Variants in WDFY4 observed in about 807,000 individuals in gnomAD.
WDFY4 encodes the protein WD repeat- and FYVE domain-containing protein 4.
A neutral mutation model predicts 351.9 loss-of-function variants in WDFY4; 169 were observed. That is an observed-to-expected ratio of 0.48 (90% confidence interval 0.42 to 0.55). The LOEUF (loss-of-function observed/expected upper bound fraction) is 0.55. Among genes scored for constraint, WDFY4 ranks in the 20% least tolerant of loss-of-function variants. The pLI is 0.00. For synonymous variants in WDFY4, 1,622 were observed against 1,574.6 expected (o/e 1.03, Z -0.71); for missense variants, 3,803 against 3,935.6 (o/e 0.97, Z 0.90).
rs1249006723 is a variant in WDFY4, at chr10:48,790,761, C to G, written c.4101C>G (p.Ser1367Arg). ...TATTCCACTCCAGCCCTGCTGCCAGCAGCCTGGACTTCATTGGCGGGCCTG... is the reference window on the plus strand; with the variant it reads ...TATTCCACTCCAGCCCTGCTGCCAGGAGCCTGGACTTCATTGGCGGGCCTG... ...VRVFHSSPAASSLDFIGGPAI... is the reference protein window; with the variant it reads ...VRVFHSSPAARSLDFIGGPAI... The change falls in exon 23 of 62, where the codon AGC becomes AGG. Residue 1367 changes from serine to arginine, a missense_variant. By Grantham distance (110) the Ser-to-Arg change is moderately radical (BLOSUM62 -1). Coordinates refer to ENST00000325239, the MANE Select transcript of WDFY4 (RefSeq NM_001394531.1). The G allele has an allele frequency of 5.8e-6, 9 of 1,551,800 alleles. No homozygotes were observed. Among genetic ancestry groups the G allele is most frequent in the Non-Finnish European group, 7.8e-6 (9 of 1,147,042 alleles).
chr10:48,942,453 A>G (rs1328650931), intron 48 of WDFY4, among the ~76,000 whole-genome samples: 1 of 152,142 alleles, frequency 6.6e-6, no homozygotes, highest in Non-Finnish European at 1.5e-5. Flanking sequence ...GGGTACACAC[A>G]CCCCATCTGT....
At chr10:48,913,261 G>T (rs888980008) in intron 47 of WDFY4, 30 of 813,064 alleles carry the variant, frequency 3.7e-5, no homozygotes, top group African/African-American at 6.8e-5. Context: ...GTAAGGAAAG[G>T]AGTTTTATGG....
At chr10:48,830,624 T>A (rs1208924408) in intron 37 of WDFY4, 76 bp from the exon 38 acceptor site, 23 of 1,475,870 alleles carry the variant, frequency 1.6e-5, no homozygotes, top group Non-Finnish European at 1.8e-5. Context: ...AAACCACTCA[T>A]GATGCACCAT....
At chr10:48,946,017 C>T in intron 49 of WDFY4, 23 bp from the exon 50 acceptor site, 1 of 1,505,398 alleles carries the variant, frequency 6.6e-7, no homozygotes, top group Non-Finnish European at 8.9e-7. Flanking sequence ...GGAGTTAACT[C>T]CAGCTGCACA....
intron 12 of WDFY4, among the ~76,000 whole-genome samples, chr10:48,749,336 A>C (rs2065109797): frequency 6.6e-6 from 1 of 152,062 alleles, no homozygotes; most frequent in Admixed American, 6.6e-5. Flanking sequence ...GCACATATAC[A>C]TACACCACAT....
In WDFY4 at chr10:48,950,472, G is replaced by T. The variant is rs765227075; in HGVS notation, c.7977+3503G>T. On this transcript the variant is annotated intron_variant, in intron 51 of 61. Coordinates refer to ENST00000325239, the MANE Select transcript of WDFY4 (RefSeq NM_001394531.1). ...TTCCTCCCTCTGATGACAATGAAGG[G>T]TGCTGCTGTGAACACTGCTGTGCCT... Among the ~76,000 whole-genome samples, 6 of 152,260 alleles carry T rather than the reference G, an allele frequency of 3.9e-5. 1 individual carries two copies. The highest frequency in any genetic ancestry group is 1.4e-4 in the African/African-American group (6 of 41,542).
chr10:48,776,806 G>A lies in WDFY4; in HGVS notation c.2920G>A (p.Gly974Arg). ...GCCCTGGCCAGCTGCCCCAGATGCT[G>A]GGCTGCACCCTGGAGTCACACAGGC... ...EGPWPAAPDA[G>R]LHPGVTQAPQ... Residue 974 changes from glycine to arginine, a missense_variant, in exon 16 of 62, where the codon GGG becomes AGG. This residue lies in a region of WDFY4 where 3,054 missense variants were observed against 3,148.6 expected (regional missense o/e 0.97). Coordinates refer to ENST00000325239, the MANE Select transcript of WDFY4 (RefSeq NM_001394531.1). 6.4e-7 allele frequency: 1 copy of A among 1,551,458 alleles called. No individual in the cohort carries two copies. Among genetic ancestry groups the A allele is most frequent in the Non-Finnish European group, 8.7e-7 (1 of 1,146,992 alleles).
intron 1 of WDFY4, among the ~76,000 whole-genome samples, chr10:48,708,899 T>C (rs962557521): frequency 3.9e-5 from 6 of 152,134 alleles, no homozygotes; most frequent in Admixed American, 3.3e-4. Flanking sequence ...GTTCTAGATA[T>C]AGAATTATGT....
chr10:48,714,004 G>A (rs893717768), intron 2 of WDFY4, among the ~76,000 whole-genome samples: 6 of 152,216 alleles, frequency 3.9e-5, no homozygotes, highest in African/African-American at 9.7e-5. Context: ...ATATCCTACA[G>A]GTTCTAACTA....
rs1200400795 is a variant in WDFY4 at position 48,742,999 on chromosome 10, G to T, written c.1910G>T (p.Gly637Val). 1.3e-6 allele frequency: 2 copies of T among 1,550,504 alleles called. No homozygotes were observed. The highest frequency in any genetic ancestry group is 1.7e-6 in the Non-Finnish European group (2 of 1,146,818). Reference protein sequence around the residue: ...SLLRILVTPKGRAAFRVSSGF... With the variant: ...SLLRILVTPKVRAAFRVSSGF... The stretch of plus-strand genomic sequence containing the variant: ...CTCCGGATCCTGGTGACCCCCAAGG[G>T]TCGTGCTGCCTTCAGAGTCTCCAGC... The change falls in exon 12 of 62, where the codon GGT (glycine) becomes GTT (valine). Residue 637 changes from glycine (G) to valine (V), a missense_variant. This residue lies in a region of WDFY4 where 261 missense variants were observed against 330.2 expected (regional missense o/e 0.79). Transcript: ENST00000325239.
Position 48,873,538 on chromosome 10 carries a change from C to T in WDFY4, c.6789C>T (p.Ile2263=). Residue 2263 remains isoleucine, a synonymous_variant, in exon 41 of 62, where the codon ATC becomes ATT. Coordinates refer to ENST00000325239, the MANE Select transcript of WDFY4 (RefSeq NM_001394531.1). ...AGGCAGCCAACGCCTGGGCCAGGAT[C>T]CAGGAGCAGCTTTTTGGGGAGCTGG... ...NIKAANAWAR[I]QEQLFGELGL... The T allele has an allele frequency of 6.4e-7, 1 of 1,551,694 alleles. No homozygotes were observed. The highest frequency in any genetic ancestry group is 8.7e-7 in the Non-Finnish European group (1 of 1,146,980).
At chr10:48,817,498 C>G (rs116341247) in intron 32 of WDFY4, 89 bp downstream of exon 32, 2 of 1,398,508 alleles carry the variant, frequency 1.4e-6, no homozygotes, top group Non-Finnish European at 1.9e-6. Flanking sequence ...CCCCTCCCCC[C>G]TAAAATTAAA....
chr10:48,821,416 T>G (rs17699451), intron 34 of WDFY4, among the ~76,000 whole-genome samples: 26,246 of 152,200 alleles, frequency 0.17, 2,800 homozygotes, highest in African/African-American at 0.3. Context: ...CAGAAAGCCC[T>G]TTTGCCTCTA....
rs115750570 is a variant in WDFY4 at position 48,823,495 on chromosome 10, C to A, written c.5982+958C>A. 136 of 1,156,906 alleles carry A rather than the reference C, an allele frequency of 1.2e-4. 1 individual carries two copies. The African/African-American group carries it at 2.0e-3, about 17-fold the overall frequency. The allele number at this position is 1,156,906 out of a possible 1,614,324, so 71.7% of individuals were successfully genotyped here. A position where few individuals can be genotyped will look rare whatever the true frequency, so the allele number is the denominator to read the frequency against. On this transcript the variant is annotated intron_variant, in intron 35 of 61. Transcript: ENST00000325239. ...GTCACCCACAGACCTCAGGACTGGGCCTCTTCACAGTTTCTAGAGCCATCT... is the reference window on the plus strand; with the variant it reads ...GTCACCCACAGACCTCAGGACTGGGACTCTTCACAGTTTCTAGAGCCATCT...
At chr10:48,947,023 C>T (rs557730757) in intron 51 of WDFY4, 54 bp downstream of exon 51, 313 of 1,204,486 alleles carry the variant, frequency 2.6e-4, no homozygotes, top group Non-Finnish European at 3.3e-4. Context: ...CACACACATA[C>T]GCCTGTATCA....
chr10:48,806,764 T>C (rs1403138602), intron 27 of WDFY4, among the ~76,000 whole-genome samples: 1 of 152,230 alleles, frequency 6.6e-6, no homozygotes, highest in Non-Finnish European at 1.5e-5. Context: ...CTCTGCACTG[T>C]CCAAGACGAG....
rs564449117 is a variant in WDFY4 at position 48,813,962 on chromosome 10, C to G, written c.5220C>G (p.Ser1740Arg). 9.9e-5 allele frequency: 153 copies of G among 1,546,528 alleles called. No homozygotes were observed. The African/African-American group carries it at 1.9e-3, about 20-fold the overall frequency. ...GCTCCTGCCTCCTCTTCCAGGACAG[C>G]CTTGATGCCATGCTTCAGTGGCTCC... ...LTELMDGPKD[S>R]LDAMLQWLLQ... The change falls in exon 31 of 62, where the codon AGC (serine) becomes AGG (arginine). Residue 1740 changes from serine (S) to arginine (R), a missense_variant. By Grantham distance (110) the Ser-to-Arg change is moderately radical. Transcript: ENST00000325239.
chr10:48,790,747 A>G lies in WDFY4; in HGVS notation c.4087A>G (p.Ser1363Gly), dbSNP rs2066651200. 4 of 1,551,842 alleles carry G rather than the reference A, an allele frequency of 2.6e-6. No individual in the cohort carries two copies. Among genetic ancestry groups the G allele is most frequent in the Non-Finnish European group, 3.5e-6 (4 of 1,147,010 alleles). The change falls in exon 23 of 62, where the codon AGC becomes GGC. Residue 1363 changes from serine (S) to glycine (G), a missense_variant. Physicochemically the swap from Ser to Gly is moderately conservative, Grantham distance 56. Coordinates refer to ENST00000325239, the MANE Select transcript of WDFY4 (RefSeq NM_001394531.1). ...CACAGGGGTGAGGGTATTCCACTCCAGCCCTGCTGCCAGCAGCCTGGACTT... is the reference window on the plus strand; with the variant it reads ...CACAGGGGTGAGGGTATTCCACTCCGGCCCTGCTGCCAGCAGCCTGGACTT... Reference protein sequence around the residue: ...GQLGVRVFHSSPAASSLDFIG... With the variant: ...GQLGVRVFHSGPAASSLDFIG...
chr10:48,838,146 C>T (rs73312014), intron 39 of WDFY4, among the ~76,000 whole-genome samples: 3 of 152,098 alleles, frequency 2.0e-5, no homozygotes, highest in South Asian at 2.1e-4. Flanking sequence ...GAGGATGATC[C>T]GCTGGAATTG....
Sources: gnomAD v4.1 joint callset for allele counts (sites outside exome capture counted in the v4.1 genomes callset) on GRCh38, gnomAD v4.1.1 for gene constraint, gnomAD v4.1.1 regional missense constraint, MANE v1.5 for transcripts, NCBI Gene and HGNC (gene_info 2026-07-23, HGNC 2026-07-21) for gene names.